PLD1: variants seen among roughly 807,000 people sequenced by gnomAD.
The protein encoded by PLD1 is phospholipase D1, also known as choline phosphatase 1.
In PLD1, 112 loss-of-function variants were observed where a neutral mutation model predicts 137.1. The ratio of observed to expected loss-of-function variants is 0.82; its 90% CI spans 0.70 to 0.96. The LOEUF (loss-of-function observed/expected upper bound fraction) is 0.96, where lower values mean the gene tolerates loss of function less well. Among genes scored for constraint, PLD1 ranks in the 40% least tolerant of loss-of-function variants. The pLI, the probability that PLD1 is intolerant of heterozygous loss-of-function variation, is 0.00. For missense variants in PLD1, 1,321 were observed against 1,342.0 expected (o/e 0.98, Z 0.24); for synonymous variants, 431 against 454.7 (o/e 0.95, Z 0.66).
At chr3:171,624,753 T>C (rs1463982921) in intron 23 of PLD1, among the ~76,000 whole-genome samples, 1 of 152,128 alleles carries the variant, frequency 6.6e-6, no homozygotes, top group African/African-American at 2.4e-5. Flanking sequence ...ATTTCCAGGA[T>C]ATTCTGTTAA....
rs9815257 is a variant in PLD1 at position 171,643,698 on chromosome 3, A to G, written c.2544-809T>C. On this transcript the variant is annotated intron_variant, in intron 22 of 26. Coordinates refer to ENST00000351298, the MANE Select transcript of PLD1 (RefSeq NM_002662.5). ...AATATTAGAATGGCGAATGAAATTGATAAAATTCAATTAAACATTATGTCA... is the reference window on the plus strand; with the variant it reads ...AATATTAGAATGGCGAATGAAATTGGTAAAATTCAATTAAACATTATGTCA... Among the ~76,000 whole-genome samples, 1,039 of 151,984 alleles carry G rather than the reference A, an allele frequency of 6.8e-3. 11 individuals carry two copies. The highest frequency in any genetic ancestry group is 0.02 in the African/African-American group (818 of 41,404).
intron 1 of PLD1, among the ~76,000 whole-genome samples, chr3:171,797,468 G>GGC (rs1723478190): frequency 6.6e-6 from 1 of 152,090 alleles, no homozygotes; most frequent in South Asian, 2.1e-4. Flanking sequence ...CAGACCTACT[G>GGC]AATCAGAAAC....
At chr3:171,729,371 A>C (rs1207809030) in intron 6 of PLD1, among the ~76,000 whole-genome samples, 1 of 152,236 alleles carries the variant, frequency 6.6e-6, no homozygotes. Flanking sequence ...AGAAACAGAG[A>C]AGCAAAAATA....
At chr3:171,723,257 A>T (rs1235945545) in intron 8 of PLD1, among the ~76,000 whole-genome samples, 1 of 152,110 alleles carries the variant, frequency 6.6e-6, no homozygotes, top group Non-Finnish European at 1.5e-5. Flanking sequence ...TGGCTTATTT[A>T]ACTAAACATA....
At chr3:171,709,293 A>C (rs191070750) in intron 10 of PLD1, among the ~76,000 whole-genome samples, 2 of 152,364 alleles carry the variant, frequency 1.3e-5, no homozygotes, top group Admixed American at 1.3e-4. Context: ...TTCCATTTGC[A>C]TCATTAAAGA....
intron 13 of PLD1, among the ~76,000 whole-genome samples, chr3:171,691,173 T>C (rs955039701): frequency 6.6e-6 from 1 of 152,210 alleles, no homozygotes; most frequent in African/African-American, 2.4e-5. Context: ...CTTTCCATCC[T>C]TTCATTTTCA....
At position 171,713,780 on chromosome 3, in the gene PLD1, T is replaced by C; in HGVS notation, c.911+113A>G. 11 of 878,414 alleles carry C rather than the reference T, an allele frequency of 1.3e-5. No homozygotes were observed. In the Middle Eastern group the frequency reaches 1.0e-3, roughly 84 times the overall value. The allele number at this position is 878,414 out of a possible 1,614,324, so 54.4% of individuals were successfully genotyped here. On this transcript the variant is annotated intron_variant, in intron 9 of 26. Coordinates refer to ENST00000351298, the MANE Select transcript of PLD1 (RefSeq NM_002662.5). The stretch of plus-strand genomic sequence containing the variant: ...TCATTACTATTGATTGAGGATGAGC[T>C]CTAAATTACAATTTTCTAACACTTT...
Position 171,633,967 on chromosome 3 carries a change from T to A in PLD1, c.2593+8873A>T, listed in dbSNP as rs546622524. 7.2e-5 allele frequency among the ~76,000 whole-genome samples: 11 copies of A among 152,340 alleles called. No individual in the cohort carries two copies. The East Asian group carries it at 2.1e-3, about 29-fold the overall frequency. On this transcript the variant is annotated intron_variant, in intron 23 of 26. Transcript: ENST00000351298. ...ATATTCATAGCAGCAGTTTTGTTAT[T>A]CTAAATAATTAAAACAGTAGAGAAC...
Position 171,602,883 on chromosome 3 carries a change from A to G in PLD1, c.*195T>C. 1 of 584,962 alleles carries G rather than the reference A, an allele frequency of 1.7e-6. No homozygotes were observed. The highest frequency in any genetic ancestry group is 3.0e-6 in the Non-Finnish European group (1 of 329,024). 36.2% of individuals were successfully genotyped at this position (584,962 alleles called of 1,614,324 possible). A position where few individuals can be genotyped will look rare whatever the true frequency, so the allele number is the denominator to read the frequency against. Reference sequence around the variant, plus strand: ...GCCCCCTTTTTACAAGTTAGGCAGAAGGAATTATAAAGTCTTGCTGATGTT... The same window carrying G: ...GCCCCCTTTTTACAAGTTAGGCAGAGGGAATTATAAAGTCTTGCTGATGTT... On this transcript the variant is annotated 3_prime_UTR_variant, in exon 27 of 27. Coordinates refer to ENST00000351298, the MANE Select transcript of PLD1 (RefSeq NM_002662.5).
At chr3:171,637,123 C>T (rs1735193255) in intron 23 of PLD1, among the ~76,000 whole-genome samples, 1 of 152,158 alleles carries the variant, frequency 6.6e-6, no homozygotes, top group Non-Finnish European at 1.5e-5. Flanking sequence ...GGGAAAAATC[C>T]CATTTGGTCA....
chr3:171,792,749 C>G (rs1469337910), intron 1 of PLD1: 1 of 455,856 alleles, frequency 2.2e-6, no homozygotes, highest in Non-Finnish European at 4.4e-6. Context: ...GTTCCAGCAT[C>G]TTTCTAGAGC....
chr3:171,784,872 G>A (rs1560302192), intron 1 of PLD1, among the ~76,000 whole-genome samples: 1 of 152,168 alleles, frequency 6.6e-6, no homozygotes, highest in Non-Finnish European at 1.5e-5. Flanking sequence ...ATTTGAATCT[G>A]GATCTCCATA....
At chr3:171,709,254 T>C (rs1716952701) in intron 10 of PLD1, among the ~76,000 whole-genome samples, 1 of 152,248 alleles carries the variant, frequency 6.6e-6, no homozygotes, top group African/African-American at 2.4e-5. Flanking sequence ...TGCTTTTTCC[T>C]AAATTAGGGG....
At chr3:171,641,450 T>C (rs1374199259) in intron 23 of PLD1, among the ~76,000 whole-genome samples, 1 of 152,200 alleles carries the variant, frequency 6.6e-6, no homozygotes, top group Non-Finnish European at 1.5e-5. Context: ...ACTTGGAAAG[T>C]CTATTATTTT....
rs1460023875 is a variant in PLD1 at position 171,735,991 on chromosome 3, T to C, written c.289-354A>G. ...CCCTAATTAGCCTTCAGGGGTCCAGTCCACAAATATAAGCCGTGCACCAGG... is the reference window on the plus strand; with the variant it reads ...CCCTAATTAGCCTTCAGGGGTCCAGCCCACAAATATAAGCCGTGCACCAGG... On this transcript the variant is annotated intron_variant, in intron 3 of 26. Coordinates refer to ENST00000351298, the MANE Select transcript of PLD1 (RefSeq NM_002662.5). Among the ~76,000 whole-genome samples the C allele has an allele frequency of 2.0e-5, 3 of 152,148 alleles. No homozygotes were observed. The East Asian group carries it at 5.8e-4, about 29-fold the overall frequency.
chr3:171,612,210 T>G lies in PLD1; in HGVS notation c.2882+69A>C. 1 of 1,452,022 alleles carries G rather than the reference T, an allele frequency of 6.9e-7. No homozygotes were observed. Among genetic ancestry groups the G allele is most frequent in the Non-Finnish European group, 9.6e-7 (1 of 1,042,494 alleles). The allele number at this position is 1,452,022 out of a possible 1,614,324, so 89.9% of individuals were successfully genotyped here. ...CTAGGATGACCCATGTGCTCAGGGCTAGCGGGGCTGGGTCCCAGCGACTGC... is the reference window on the plus strand; with the variant it reads ...CTAGGATGACCCATGTGCTCAGGGCGAGCGGGGCTGGGTCCCAGCGACTGC... On this transcript the variant is annotated intron_variant, in intron 25 of 26. Coordinates refer to ENST00000351298, the MANE Select transcript of PLD1 (RefSeq NM_002662.5). The surrounding 1 kb of genome is among the most constrained non-coding windows in gnomAD (Gnocchi z 4.1).
chr3:171,778,105 T>C (rs1427679807), intron 1 of PLD1, among the ~76,000 whole-genome samples: 1 of 152,226 alleles, frequency 6.6e-6, no homozygotes, highest in South Asian at 2.1e-4. Flanking sequence ...TTAATGATAA[T>C]TACAAAATAA....
chr3:171,644,905 G>C lies in PLD1; in HGVS notation c.2543+5C>G, dbSNP rs376361616. ...CTCAAAATAGACCATTTAGAGTTTTGGCACCTGTAGTTGAAGTGCATGATT... is the reference window on the plus strand; with the variant it reads ...CTCAAAATAGACCATTTAGAGTTTTCGCACCTGTAGTTGAAGTGCATGATT... On this transcript the variant is annotated splice_donor_5th_base_variant and intron_variant, in intron 22 of 26. Coordinates refer to ENST00000351298, the MANE Select transcript of PLD1 (RefSeq NM_002662.5). The C allele has an allele frequency of 1.3e-6, 2 of 1,565,396 alleles. No individual in the cohort carries two copies. The highest frequency in any genetic ancestry group is 1.8e-6 in the Non-Finnish European group (2 of 1,135,462).
chr3:171,688,853 C>T lies in PLD1; in HGVS notation c.1362G>A (p.Val454=). 6.2e-7 allele frequency: 1 copy of T among 1,613,990 alleles called. No individual in the cohort carries two copies. The highest frequency in any genetic ancestry group is 8.5e-7 in the Non-Finnish European group (1 of 1,179,894). Residue 454 remains valine, a synonymous_variant, in exon 14 of 27, where the codon GTG becomes GTA. Transcript: ENST00000351298. The part of the protein sequence containing the change: ...NIKVMRHPDH[V]SSTVYLWAHH... ...GAGCCCACAAATAGACGGTGGATGA[C>T]ACATGATCCGGGTGTCTCATCACCT...
Sources: gnomAD v4.1 joint callset for allele counts (sites outside exome capture counted in the v4.1 genomes callset) on GRCh38, gnomAD v4.1.1 for gene constraint, Gnocchi (gnomAD v3.1) non-coding constraint, MANE v1.5 for transcripts, NCBI Gene and HGNC (gene_info 2026-07-23, HGNC 2026-07-21) for gene names.